FSTL4: variants seen among roughly 807,000 people sequenced by gnomAD.
FSTL4 encodes the protein follistatin like 4, also known as follistatin-related protein 4.
FSTL4 carries 28 observed loss-of-function variants against 78.2 expected under a neutral mutation model. The observed-to-expected ratio is 0.36, with a 90% CI of 0.27 to 0.49. FSTL4 has a LOEUF of 0.49. Among genes scored for constraint, FSTL4 ranks in the 20% least tolerant of loss-of-function variants. The pLI is 0.98. For synonymous variants in FSTL4, 422 were observed against 440.5 expected (o/e 0.96, Z 0.53); for missense variants, 922 against 1,084.9 (o/e 0.85, Z 2.11).
the FSTL4 span, among the ~76,000 whole-genome samples, chr5:133,796,410 G>A: frequency 1.4e-4 from 21 of 152,304 alleles, no homozygotes; most frequent in African/African-American, 4.1e-4. Context: ...CCTGTATCCC[G>A]AGCTCTGGTC....
chr5:133,421,600 G>A (rs1756698101), intron 3 of FSTL4, among the ~76,000 whole-genome samples: 1 of 152,232 alleles, frequency 6.6e-6, no homozygotes, highest in Admixed American at 6.5e-5. Flanking sequence ...TAGCAAGCTG[G>A]TCCAGGAGGG....
At chr5:133,675,288 AGTGGGAAGT>A in the FSTL4 span, among the ~76,000 whole-genome samples, 9 of 152,240 alleles carry the variant, frequency 5.9e-5, no homozygotes, top group Non-Finnish European at 1.0e-4. Context: ...TAACTGGAAA[AGTGGGAAGT>A]GTGTTTTTAA....
intron 2 of FSTL4, among the ~76,000 whole-genome samples, chr5:133,581,821 T>C (rs1323138547): frequency 6.6e-6 from 1 of 152,224 alleles, no homozygotes; most frequent in Non-Finnish European, 1.5e-5. Context: ...TATGGACAAG[T>C]TTGGGAACCA....
In FSTL4 at chr5:133,448,165, G is replaced by A. The variant is rs981743733; in HGVS notation, c.161-47179C>T. 8.5e-5 allele frequency among the ~76,000 whole-genome samples: 13 copies of A among 152,348 alleles called. No homozygotes were observed. The South Asian group carries it at 1.4e-3, about 17-fold the overall frequency. On this transcript the variant is annotated intron_variant, in intron 3 of 15. Coordinates refer to ENST00000265342, the MANE Select transcript of FSTL4 (RefSeq NM_015082.2). ...TAAAGTAGGAGGAAGATAACATTCCGTTAATTTGCCCCTGCTGAAACCATA... is the reference window on the plus strand; with the variant it reads ...TAAAGTAGGAGGAAGATAACATTCCATTAATTTGCCCCTGCTGAAACCATA...
intron 6 of FSTL4, among the ~76,000 whole-genome samples, chr5:133,255,090 T>A (rs1752352509): frequency 6.6e-6 from 1 of 152,192 alleles, no homozygotes; most frequent in Non-Finnish European, 1.5e-5. Context: ...CATTAGCCAC[T>A]ATGTGGGAAG....
At chr5:133,752,446 G>A in the FSTL4 span, among the ~76,000 whole-genome samples, 97 of 152,024 alleles carry the variant, frequency 6.4e-4, no homozygotes, top group East Asian at 7.2e-3. Context: ...GTGAAACCCC[G>A]TCTCTACTAA....
At chr5:133,760,965 C>T in the FSTL4 span, among the ~76,000 whole-genome samples, 1 of 152,096 alleles carries the variant, frequency 6.6e-6, no homozygotes, top group Non-Finnish European at 1.5e-5. Context: ...GGATAAGTGA[C>T]CTTTGGGCCC....
intron 3 of FSTL4, among the ~76,000 whole-genome samples, chr5:133,402,551 C>T (rs960061851): frequency 2.0e-5 from 3 of 151,596 alleles, no homozygotes; most frequent in Non-Finnish European, 2.9e-5. Flanking sequence ...CTTTTAGCCC[C>T]GGGTCCTACC....
chr5:133,837,220 C>A, the FSTL4 span, among the ~76,000 whole-genome samples: 1 of 151,776 alleles, frequency 6.6e-6, no homozygotes, highest in Non-Finnish European at 1.5e-5. Flanking sequence ...CCATTAAATC[C>A]CTCTATTGAA....
At chr5:133,652,016 T>A in the FSTL4 span, among the ~76,000 whole-genome samples, 6 of 152,148 alleles carry the variant, frequency 3.9e-5, no homozygotes, top group African/African-American at 1.4e-4. Flanking sequence ...GTTCACTTCA[T>A]CTAGGTTATC....
chr5:133,712,355 G>A, the FSTL4 span, among the ~76,000 whole-genome samples: 1 of 152,162 alleles, frequency 6.6e-6, no homozygotes, highest in South Asian at 2.1e-4. Context: ...GAAGCAGCGT[G>A]GGCCCTCCTG....
intron 4 of FSTL4, among the ~76,000 whole-genome samples, chr5:133,389,603 C>T (rs765542293): frequency 2.6e-5 from 4 of 152,208 alleles, no homozygotes; most frequent in Non-Finnish European, 5.9e-5. Flanking sequence ...GAGACATCTT[C>T]CTCGCCCCTG....
chr5:133,609,886 A>G (rs1238837438), intron 1 of FSTL4, among the ~76,000 whole-genome samples: 1 of 152,208 alleles, frequency 6.6e-6, no homozygotes, highest in African/African-American at 2.4e-5. Flanking sequence ...ATGCATTGAG[A>G]CAGAAAATGT....
At position 133,199,741 on chromosome 5, in the gene FSTL4, G is replaced by T. The variant is rs147873655; in HGVS notation, c.1883C>A (p.Thr628Lys). The change falls in exon 16 of 16, where the codon ACA becomes AAA. Residue 628 changes from threonine (T) to lysine (K), a missense_variant. Transcript: ENST00000265342. This position sits in a 1 kb window ranked among gnomAD's most constrained non-coding sequence, Gnocchi z 4.4. ...GCCGATGGTCTTGAGGGGCATCATT[G>T]TTTCCAGGTCCACCTTGTGGACTGC... Reference protein sequence around the residue: ...DPAVHKVDLETMMPLKTIGLH... With the variant: ...DPAVHKVDLEKMMPLKTIGLH... 6.3e-4 allele frequency: 1,014 copies of T among 1,599,770 alleles called. No homozygotes were observed. Among genetic ancestry groups the T allele is most frequent in the Non-Finnish European group, 8.1e-4 (949 of 1,172,716 alleles).
the FSTL4 span, among the ~76,000 whole-genome samples, chr5:133,624,112 A>G: frequency 6.6e-6 from 1 of 151,976 alleles, no homozygotes; most frequent in Non-Finnish European, 1.5e-5. Flanking sequence ...TATATGCCCA[A>G]AAGAATTGAA....
At chr5:133,409,927 C>T (rs896191528) in intron 3 of FSTL4, among the ~76,000 whole-genome samples, 9 of 152,064 alleles carry the variant, frequency 5.9e-5, no homozygotes, top group South Asian at 4.2e-4. Context: ...CTCGTGGGTA[C>T]GTGAGAGGGC....
the FSTL4 span, among the ~76,000 whole-genome samples, chr5:133,665,699 CA>C: frequency 6.6e-6 from 1 of 152,174 alleles, no homozygotes; most frequent in Non-Finnish European, 1.5e-5. Context: ...ATTCTAGAAG[CA>C]AAGGCAAGGG....
chr5:133,789,427 C>G, the FSTL4 span, among the ~76,000 whole-genome samples: 2 of 152,194 alleles, frequency 1.3e-5, no homozygotes, highest in East Asian at 3.8e-4. Context: ...CTGGACTCTA[C>G]AAGGAAGCTA....
intron 3 of FSTL4, among the ~76,000 whole-genome samples, chr5:133,445,085 A>G (rs2127005780): frequency 6.6e-6 from 1 of 152,352 alleles, no homozygotes; most frequent in Admixed American, 6.5e-5. Flanking sequence ...CACCTCTTGA[A>G]GGGTAAGGAC....
Sources: gnomAD v4.1 joint callset for allele counts (sites outside exome capture counted in the v4.1 genomes callset) on GRCh38, gnomAD v4.1.1 for gene constraint, Gnocchi (gnomAD v3.1) non-coding constraint, MANE v1.5 for transcripts, NCBI Gene and HGNC (gene_info 2026-07-23, HGNC 2026-07-21) for gene names.